BMPR1B: variants seen among roughly 807,000 people sequenced by gnomAD.
The protein encoded by BMPR1B is bone morphogenetic protein receptor type-1B.
Under a neutral mutation model 59.1 loss-of-function variants are expected in BMPR1B, and 12 were observed. The observed-to-expected ratio is 0.20, with a 90% CI of 0.13 to 0.33. The LOEUF (loss-of-function observed/expected upper bound fraction) is 0.33. Ranked by LOEUF, BMPR1B falls within the 10% of genes least tolerant of loss-of-function variation. BMPR1B has a pLI of 1.00. For missense variants in BMPR1B, 550 were observed against 610.9 expected, an observed-to-expected ratio of 0.90 and a Z score of 1.05; for synonymous variants, 237 against 207.3, an observed-to-expected ratio of 1.14 and a Z score of -1.23.
intron 10 of BMPR1B, among the ~76,000 whole-genome samples, chr4:95,133,570 CTTTT>C (rs1215749907): frequency 2.6e-5 from 4 of 152,108 alleles, no homozygotes; most frequent in Non-Finnish European, 5.9e-5. Context: ...TTTGAGACAC[CTTTT>C]TTTATTTTTA....
intron 2 of BMPR1B, among the ~76,000 whole-genome samples, chr4:94,901,988 A>C (rs1727826513): frequency 6.6e-6 from 1 of 151,220 alleles, no homozygotes; most frequent in Admixed American, 6.6e-5. Context: ...GATCTCTGCT[A>C]TACATACTCT....
At chr4:94,922,232 C>A (rs771355946) in intron 2 of BMPR1B, among the ~76,000 whole-genome samples, 1 of 152,142 alleles carries the variant, frequency 6.6e-6, no homozygotes, top group Non-Finnish European at 1.5e-5. Context: ...ACCTTGGCCT[C>A]CCAAAATGCT....
chr4:94,913,153 C>T (rs1383557196), intron 2 of BMPR1B, among the ~76,000 whole-genome samples: 1 of 152,026 alleles, frequency 6.6e-6, no homozygotes, highest in Non-Finnish European at 1.5e-5. Context: ...ATTGAAGAGT[C>T]TATTATGAAA....
chr4:95,086,737 T>C (rs1729603277), intron 3 of BMPR1B, among the ~76,000 whole-genome samples: 1 of 152,058 alleles, frequency 6.6e-6, no homozygotes, highest in Non-Finnish European at 1.5e-5. Context: ...AGGGAGCATT[T>C]GTAATGCCCA....
chr4:94,794,133 A>G (rs1578651035), intron 1 of BMPR1B, among the ~76,000 whole-genome samples: 1 of 147,070 alleles, frequency 6.8e-6, no homozygotes, highest in Non-Finnish European at 1.5e-5. Flanking sequence ...GTTTTCTTCT[A>G]GGGTTTTTAT....
intron 3 of BMPR1B, among the ~76,000 whole-genome samples, chr4:95,038,245 G>A (rs963763707): frequency 1.3e-5 from 2 of 152,118 alleles, no homozygotes; most frequent in Non-Finnish European, 2.9e-5. Flanking sequence ...GGATGAAGAA[G>A]GGGGAGAAAA....
At position 94,769,761 on chromosome 4, in the gene BMPR1B, C is replaced by T. The variant is rs185534551; in HGVS notation, c.-183+11693C>T. Among the ~76,000 whole-genome samples, 586 of 152,244 alleles carry T rather than the reference C, an allele frequency of 3.8e-3. 3 individuals carry two copies. The highest frequency in any genetic ancestry group is 0.013 in the African/African-American group (559 of 41,530). ...TCTGTTATTCTGTCTTTAGGTGATG[C>T]CATCAGGGAATATCTTAGGGAAGAC... is the stretch of plus-strand genomic sequence containing the variant. On this transcript the variant is annotated intron_variant, in intron 1 of 12. Transcript: ENST00000515059.
intron 2 of BMPR1B, among the ~76,000 whole-genome samples, chr4:94,939,841 C>T (rs1729443012): frequency 1.3e-5 from 2 of 152,108 alleles, no homozygotes; most frequent in Admixed American, 6.5e-5. Flanking sequence ...AAAGCCAAAG[C>T]CATTTTAGGA....
chr4:95,110,936 C>T (rs539544602), intron 4 of BMPR1B, among the ~76,000 whole-genome samples: 3 of 152,184 alleles, frequency 2.0e-5, no homozygotes, highest in African/African-American at 4.8e-5. Context: ...TGTATCTTTG[C>T]GTTTACCTGT....
At chr4:95,115,555 TA>T (rs1731961389) in intron 5 of BMPR1B, 129 bp from the exon 6 acceptor site, 2 of 784,642 alleles carry the variant, frequency 2.5e-6, no homozygotes, top group African/African-American at 3.4e-5. Context: ...AGAACATATT[TA>T]AGGTGTTTGA....
intron 3 of BMPR1B, among the ~76,000 whole-genome samples, chr4:95,087,012 T>C (rs1315026476): frequency 3.5e-5 from 5 of 144,760 alleles, no homozygotes; most frequent in Admixed American, 6.9e-5. Context: ...TTTTTTTTTT[T>C]TTTTTTTTTT....
intron 3 of BMPR1B, among the ~76,000 whole-genome samples, chr4:95,100,478 T>A (rs1253884218): frequency 6.6e-6 from 1 of 151,850 alleles, no homozygotes; most frequent in Non-Finnish European, 1.5e-5. Context: ...TTCCTCTCTA[T>A]AAAAAAAATT....
At chr4:95,079,185 G>A (rs1010396091) in intron 3 of BMPR1B, among the ~76,000 whole-genome samples, 2 of 152,132 alleles carry the variant, frequency 1.3e-5, no homozygotes, top group Non-Finnish European at 2.9e-5. Context: ...AATGGCAATC[G>A]CAATAGAAAA....
chr4:94,981,023 A>AC (rs1491171209), intron 2 of BMPR1B, among the ~76,000 whole-genome samples: 163 of 149,710 alleles, frequency 1.1e-3, no homozygotes, highest in African/African-American at 3.2e-3. Context: ...ACACACACAC[A>AC]AAAAGTAGAA....
At chr4:94,824,132 A>G (rs1344369014) in intron 1 of BMPR1B, among the ~76,000 whole-genome samples, 1 of 152,214 alleles carries the variant, frequency 6.6e-6, no homozygotes, top group Non-Finnish European at 1.5e-5. Context: ...GAAATGTTTA[A>G]TTGATCTAAT....
At chr4:94,864,989 A>C (rs1726156535) in intron 1 of BMPR1B, among the ~76,000 whole-genome samples, 1 of 152,062 alleles carries the variant, frequency 6.6e-6, no homozygotes. Flanking sequence ...TAGATTTTTA[A>C]TAATCTTCAA....
chr4:95,136,669 T>A (rs1436527392), intron 10 of BMPR1B, among the ~76,000 whole-genome samples: 1 of 152,220 alleles, frequency 6.6e-6, no homozygotes, highest in East Asian at 1.9e-4. Context: ...ATTTATCCAT[T>A]TCTTCTATTT....
At chr4:95,135,800 A>G (rs914268303) in intron 10 of BMPR1B, among the ~76,000 whole-genome samples, 7 of 152,216 alleles carry the variant, frequency 4.6e-5, no homozygotes, top group African/African-American at 9.6e-5. Flanking sequence ...CAATCATGTC[A>G]TCTGCAAACA....
At chr4:94,761,415 CTGTGTGTGTGTGTGTGTGTGTG>C (rs57447983) in intron 1 of BMPR1B, among the ~76,000 whole-genome samples, 55 of 141,284 alleles carry the variant, frequency 3.9e-4, no homozygotes, top group Admixed American at 5.7e-4. Flanking sequence ...CTGTATAATT[CTGTGTGTGTGTGTGTGTGTGTG>C]TGTGTGTGTG....
Sources: gnomAD v4.1 joint callset for allele counts (sites outside exome capture counted in the v4.1 genomes callset) on GRCh38, gnomAD v4.1.1 for gene constraint, MANE v1.5 for transcripts, NCBI Gene and HGNC (gene_info 2026-07-23, HGNC 2026-07-21) for gene names.